RBFOX1: variants seen among roughly 807,000 people sequenced by gnomAD.
The protein encoded by RBFOX1 is RNA binding fox-1 homolog 1, also known as RNA binding protein fox-1 homolog 1.
RBFOX1 carries 8 observed loss-of-function variants against 57.7 expected under a neutral mutation model. The observed-to-expected ratio is 0.14, with a 90% CI of 0.08 to 0.25. The LOEUF is 0.25. RBFOX1 is among the 10% of genes least tolerant of loss of function. RBFOX1 has a pLI of 1.00. For missense variants in RBFOX1, 611 were observed against 548.5 expected, an observed-to-expected ratio of 1.11 and a Z score of -1.14; for synonymous variants, 326 against 222.4, an observed-to-expected ratio of 1.47 and a Z score of -4.15.
At chr16:6,055,424 C>G (rs1419950995) in intron 1 of RBFOX1, among the ~76,000 whole-genome samples, 3 of 151,722 alleles carry the variant, frequency 2.0e-5, no homozygotes, top group Non-Finnish European at 4.4e-5. Flanking sequence ...GAGACCCCAT[C>G]TCTACTAAAA....
chr16:6,889,151 C>G (rs2064838835), intron 3 of RBFOX1, among the ~76,000 whole-genome samples: 2 of 152,170 alleles, frequency 1.3e-5, no homozygotes, highest in Admixed American at 6.5e-5. Flanking sequence ...ATTACTGTAA[C>G]ATTCAGTAGA....
At chr16:7,709,446 ACTT>A in intron 15 of RBFOX1, 1 of 1,373,446 alleles carries the variant, frequency 7.3e-7, no homozygotes, top group East Asian at 2.6e-5. Context: ...TCAATGCAGA[ACTT>A]TTTTTTTTCT....
chr16:5,659,420 C>T (rs1032471174), intron 3 of RBFOX1, among the ~76,000 whole-genome samples: 3 of 151,632 alleles, frequency 2.0e-5, no homozygotes, highest in East Asian at 2.0e-4. Context: ...TCTCCTGCCT[C>T]GGCCTCCTGA....
At chr16:5,766,320 C>T (rs977498404) in intron 3 of RBFOX1, among the ~76,000 whole-genome samples, 20 of 152,080 alleles carry the variant, frequency 1.3e-4, no homozygotes, top group African/African-American at 4.3e-4. Context: ...GGCACGGTGG[C>T]TCACGCCTGT....
At chr16:6,630,849 T>A (rs1388462446) in intron 2 of RBFOX1, among the ~76,000 whole-genome samples, 1 of 152,170 alleles carries the variant, frequency 6.6e-6, no homozygotes, top group East Asian at 1.9e-4. Context: ...AGGGCAGTAG[T>A]CCTCAAACCC....
intron 1 of RBFOX1, among the ~76,000 whole-genome samples, chr16:5,316,149 C>G (rs967730622): frequency 1.6e-4 from 24 of 152,226 alleles, no homozygotes; most frequent in African/African-American, 5.8e-4. Flanking sequence ...CTGGTATTCT[C>G]CCACTTTTCC....
At chr16:6,737,158 A>C (rs1293808049) in intron 3 of RBFOX1, among the ~76,000 whole-genome samples, 1 of 152,240 alleles carries the variant, frequency 6.6e-6, no homozygotes, top group East Asian at 1.9e-4. Flanking sequence ...GCAAAGCTGT[A>C]AAGAATATTG....
chr16:6,804,515 C>A (rs77314694), intron 3 of RBFOX1, among the ~76,000 whole-genome samples: 1 of 152,252 alleles, frequency 6.6e-6, no homozygotes, highest in African/African-American at 2.4e-5. Context: ...AAATAATCTT[C>A]ATCCTACAAA....
chr16:7,135,470 A>C (rs1245590992), intron 4 of RBFOX1, among the ~76,000 whole-genome samples: 4 of 152,246 alleles, frequency 2.6e-5, no homozygotes, highest in Non-Finnish European at 5.9e-5. Context: ...CAGCAAATTA[A>C]AGGGATCCGT....
At chr16:6,010,593 C>T (rs533739715) in intron 4 of RBFOX1, among the ~76,000 whole-genome samples, 16 of 152,310 alleles carry the variant, frequency 1.1e-4, no homozygotes, top group South Asian at 2.1e-4. Flanking sequence ...AGGAAGCAAA[C>T]GGAGTGTCCG....
intron 3 of RBFOX1, among the ~76,000 whole-genome samples, chr16:7,010,544 T>TTTG (rs1568357524): frequency 6.6e-6 from 1 of 151,656 alleles, no homozygotes; most frequent in African/African-American, 2.4e-5. Context: ...CCCCTTTTTT[T>TTTG]TTTGTTTGTT....
chr16:6,371,946 A>G (rs1001587531), intron 2 of RBFOX1, among the ~76,000 whole-genome samples: 3 of 152,144 alleles, frequency 2.0e-5, no homozygotes, highest in Non-Finnish European at 4.4e-5. Context: ...GAGACTTCAT[A>G]TTTTTTGTCA....
Position 6,168,351 on chromosome 16 carries a change from C to T in RBFOX1, c.-127+148359C>T, listed in dbSNP as rs542352592. Among the ~76,000 whole-genome samples, 6 of 152,270 alleles carry T rather than the reference C, an allele frequency of 3.9e-5. No individual in the cohort carries two copies. In the East Asian group the frequency reaches 1.2e-3, roughly 29 times the overall value. On this transcript the variant is annotated intron_variant, in intron 1 of 15. Transcript: ENST00000550418. The stretch of plus-strand genomic sequence containing the variant: ...TTTCAACTTGTGCTTGTTTTCCTTT[C>T]TCTAGCTTAAGTATGAACAGCTTAA...
chr16:7,645,944 C>T (rs1427757342), intron 11 of RBFOX1, among the ~76,000 whole-genome samples: 2 of 147,172 alleles, frequency 1.4e-5, no homozygotes. Context: ...CCACCCACCA[C>T]CCACCCACCT....
intron 1 of RBFOX1, among the ~76,000 whole-genome samples, chr16:5,268,618 A>G (rs1338481205): frequency 1.3e-5 from 2 of 152,198 alleles, no homozygotes; most frequent in Non-Finnish European, 2.9e-5. Flanking sequence ...TTTAGAGGCC[A>G]TTTGCACTGG....
At chr16:5,331,034 G>C (rs2064740143) in intron 1 of RBFOX1, among the ~76,000 whole-genome samples, 1 of 152,098 alleles carries the variant, frequency 6.6e-6, no homozygotes, top group Admixed American at 6.5e-5. Flanking sequence ...AGGCCTACTT[G>C]GTATCAGGCA....
At chr16:7,001,581 C>T (rs372646305) in intron 3 of RBFOX1, among the ~76,000 whole-genome samples, 4 of 152,026 alleles carry the variant, frequency 2.6e-5, no homozygotes, top group African/African-American at 4.8e-5. Flanking sequence ...ATCAGCCTCC[C>T]GAGTAGCTGG....
intron 1 of RBFOX1, chr16:5,366,526 C>T (rs1567395971): frequency 1.2e-5 from 5 of 428,272 alleles, no homozygotes; most frequent in Non-Finnish European, 2.2e-5. Flanking sequence ...ACCGAAAGGA[C>T]CTAGTTCTGT....
chr16:5,855,375 A>T (rs1329667348), intron 3 of RBFOX1, among the ~76,000 whole-genome samples: 1 of 152,156 alleles, frequency 6.6e-6, no homozygotes, highest in African/African-American at 2.4e-5. Flanking sequence ...TTGAGTCTTT[A>T]ATCCATTTTG....
Sources: allele counts gnomAD v4.1 joint callset (sites outside exome capture counted in the v4.1 genomes callset), GRCh38; gene constraint gnomAD v4.1.1; transcripts MANE v1.5; gene names NCBI Gene and HGNC (gene_info 2026-07-23, HGNC 2026-07-21).